The following TNRC18 variants were observed in gnomAD, a reference collection of about 807,000 sequenced individuals.
TNRC18 encodes trinucleotide repeat-containing gene 18 protein.
TNRC18 carries 69 observed loss-of-function variants against 226.7 expected under a neutral mutation model. The observed-to-expected ratio is 0.30, with a 90% CI of 0.25 to 0.37. The LOEUF (loss-of-function observed/expected upper bound fraction) is 0.37, where lower values mean the gene tolerates loss of function less well. Ranked by LOEUF, TNRC18 falls within the 10% of genes least tolerant of loss-of-function variation. The pLI is 1.00. For missense variants in TNRC18, 4,754 were observed against 4,256.6 expected (o/e 1.12, Z -3.25); for synonymous variants, 2,449 against 1,927.6 (o/e 1.27, Z -7.09).
chr7:5,388,386 G>T lies in TNRC18; in HGVS notation c.1438C>A (p.Arg480Ser). ...ADPRPCERAP[R>S]GPAGPAAQQA... ...TGGGCTGCAGGACCGGCTGGGCCGCGGGGCGCACGCTCGCAGGGCCTCGGG... is the reference window on the plus strand; with the variant it reads ...TGGGCTGCAGGACCGGCTGGGCCGCTGGGCGCACGCTCGCAGGGCCTCGGG... The change falls in exon 5 of 30, where the codon CGC (arginine) becomes AGC (serine). Residue 480 changes from arginine to serine, a missense_variant. Coordinates refer to ENST00000430969, the MANE Select transcript of TNRC18 (RefSeq NM_001080495.3). 1 of 1,525,536 alleles carries T rather than the reference G, an allele frequency of 6.6e-7. No individual in the cohort carries two copies. The highest frequency in any genetic ancestry group is 1.2e-5 in the South Asian group (1 of 81,768). 94.5% of individuals were successfully genotyped at this position (1,525,536 alleles called of 1,614,324 possible).
At chr7:5,308,840 C>A in intron 29 of TNRC18, 35 bp downstream of exon 29, 2 of 1,070,454 alleles carry the variant, frequency 1.9e-6, no homozygotes, top group South Asian at 1.3e-5. Context: ...GCAGCCATCC[C>A]CAACCCGCCC....
At chr7:5,322,585 C>A (rs1400036504) in intron 21 of TNRC18, among the ~76,000 whole-genome samples, 1 of 152,238 alleles carries the variant, frequency 6.6e-6, no homozygotes, top group Non-Finnish European at 1.5e-5. Flanking sequence ...TGTGACCACA[C>A]CCCACCTACC....
At position 5,362,844 on chromosome 7, in the gene TNRC18, T is replaced by C; in HGVS notation, c.4220-19A>G. On this transcript the variant is annotated intron_variant, in intron 11 of 29. Transcript: ENST00000430969. The stretch of plus-strand genomic sequence containing the variant: ...TCCGCACCTGTGGACAGGAGGTAGG[T>C]AACAGGGCGCTGCTGCCACCCCTTC... 6.7e-7 allele frequency: 1 copy of C among 1,488,978 alleles called. No homozygotes were observed. The allele number at this position is 1,488,978 out of a possible 1,614,324, so 92.2% of individuals were successfully genotyped here.
At position 5,313,115 on chromosome 7, in the gene TNRC18, G is replaced by A. The variant is rs1415353573; in HGVS notation, c.7776C>T (p.Asp2592=). 1.4e-5 allele frequency: 21 copies of A among 1,459,284 alleles called. No individual in the cohort carries two copies. The African/African-American group carries it at 1.7e-4, about 12-fold the overall frequency. 90.4% of individuals were successfully genotyped at this position (1,459,284 alleles called of 1,614,324 possible). ...TACGGCCCCCGGTGCCGCAGCCCCC[G>A]TCCCCGTTCTTGTCGCCTTCCTCCT... The part of the protein sequence containing the change: ...EGEEEGDKNG[D]GGCGTGGRNC... Residue 2592 remains aspartate, a synonymous_variant, in exon 27 of 30, where the codon GAC becomes GAT. Transcript: ENST00000430969.
chr7:5,351,779 T>C, intron 17 of TNRC18, 40 bp downstream of exon 17: 4 of 1,528,798 alleles, frequency 2.6e-6, no homozygotes, highest in Non-Finnish European at 3.5e-6. Flanking sequence ...ACTCTCTCGC[T>C]AGGAAACACG....
chr7:5,317,570 G>A (rs1205994137), intron 24 of TNRC18, among the ~76,000 whole-genome samples: 1 of 151,698 alleles, frequency 6.6e-6, no homozygotes, highest in Non-Finnish European at 1.5e-5. Flanking sequence ...TGGCCTGGGT[G>A]ACAGAGCAAG....
In TNRC18 at chr7:5,314,888, C is replaced by A. The variant is rs547926200; in HGVS notation, c.7027+96G>T. 82 of 1,350,058 alleles carry A rather than the reference C, an allele frequency of 6.1e-5. 1 individual carries two copies. The East Asian group carries it at 1.6e-3, about 26-fold the overall frequency. The allele number at this position is 1,350,058 out of a possible 1,614,324, so 83.6% of individuals were successfully genotyped here. ...GCACCCGGCTCAGAGTTCTTACAGA[C>A]AGCAGGCAGGCACTTCGGCAGGTTC... On this transcript the variant is annotated intron_variant, in intron 26 of 29. Coordinates refer to ENST00000430969, the MANE Select transcript of TNRC18 (RefSeq NM_001080495.3).
chr7:5,339,105 C>A (rs1397158037), intron 18 of TNRC18, among the ~76,000 whole-genome samples: 1 of 152,020 alleles, frequency 6.6e-6, no homozygotes, highest in Non-Finnish European at 1.5e-5. Flanking sequence ...CGAGACCAGC[C>A]TGGGCAACAG....
chr7:5,380,222 G>T (rs949245375), intron 5 of TNRC18, among the ~76,000 whole-genome samples: 5 of 152,184 alleles, frequency 3.3e-5, no homozygotes, highest in African/African-American at 9.7e-5. Flanking sequence ...GAGGTGGGAG[G>T]ATCACTGGAG....
intron 18 of TNRC18, among the ~76,000 whole-genome samples, chr7:5,337,128 C>T (rs1445250356): frequency 6.6e-6 from 1 of 151,832 alleles, no homozygotes; most frequent in Non-Finnish European, 1.5e-5. Flanking sequence ...CCAGGAACAA[C>T]AAGAAAAATG....
chr7:5,362,615 C>G (rs755537049), intron 12 of TNRC18, 35 bp downstream of exon 12: 13 of 1,503,670 alleles, frequency 8.6e-6, no homozygotes, highest in Admixed American at 2.2e-5. Flanking sequence ...CAGCCTCCCC[C>G]GCGGACCCCA....
intron 24 of TNRC18, among the ~76,000 whole-genome samples, chr7:5,317,472 T>A (rs1787966353): frequency 6.6e-6 from 1 of 151,894 alleles, no homozygotes; most frequent in Non-Finnish European, 1.5e-5. Context: ...ATGCCTGTAA[T>A]CCCAGCTACT....
chr7:5,314,882 T>C, intron 26 of TNRC18, 102 bp downstream of exon 26: 3 of 1,321,656 alleles, frequency 2.3e-6, no homozygotes, highest in Non-Finnish European at 3.1e-6. Context: ...TCAGAGTTCT[T>C]ACAGACAGCA....
chr7:5,421,017 C>T (rs986741947), intron 2 of TNRC18, 43 bp downstream of exon 2: 26 of 1,541,042 alleles, frequency 1.7e-5, no homozygotes, highest in Admixed American at 1.6e-4. Context: ...AGTGGATCTC[C>T]CTGGGAAGAC....
intron 24 of TNRC18, among the ~76,000 whole-genome samples, chr7:5,317,265 G>T (rs979633036): frequency 2.0e-5 from 3 of 151,998 alleles, no homozygotes; most frequent in Admixed American, 6.6e-5. Flanking sequence ...GCAGAAGGAG[G>T]GGGGACCGGG....
chr7:5,321,026 C>A, intron 22 of TNRC18, 47 bp downstream of exon 22: 5 of 1,352,084 alleles, frequency 3.7e-6, no homozygotes, highest in Non-Finnish European at 4.1e-6. Flanking sequence ...GGACACGGGG[C>A]GGGTATGGGA....
At chr7:5,348,053 C>T (rs1791387393) in intron 17 of TNRC18, among the ~76,000 whole-genome samples, 1 of 152,234 alleles carries the variant, frequency 6.6e-6, no homozygotes, top group East Asian at 1.9e-4. Context: ...GTGACCTTCC[C>T]TGCCTGCCTG....
chr7:5,311,898 C>A (rs1213039553), intron 27 of TNRC18, among the ~76,000 whole-genome samples: 3 of 151,122 alleles, frequency 2.0e-5, no homozygotes, highest in African/African-American at 7.3e-5. Flanking sequence ...TTTGGGAGTC[C>A]GAGGCAGGCA....
chr7:5,376,780 C>T (rs1779007662), intron 8 of TNRC18, 67 bp downstream of exon 8: 3 of 1,560,846 alleles, frequency 1.9e-6, no homozygotes, highest in East Asian at 2.4e-5. Flanking sequence ...AAGCCCTTGG[C>T]ATCAGAGACC....
Sources: allele counts gnomAD v4.1 joint callset (sites outside exome capture counted in the v4.1 genomes callset), GRCh38; gene constraint gnomAD v4.1.1; transcripts MANE v1.5; gene names NCBI Gene and HGNC (gene_info 2026-07-23, HGNC 2026-07-21).